SPOCK3: variants seen among roughly 807,000 people sequenced by gnomAD.
The protein encoded by SPOCK3 is SPARC (osteonectin), cwcv and kazal like domains proteoglycan 3.
In SPOCK3, 30 loss-of-function variants were observed where a neutral mutation model predicts 56.6. That is an observed-to-expected ratio of 0.53 (90% CI 0.40 to 0.72). The LOEUF is 0.72. SPOCK3 is among the 30% of genes least tolerant of loss of function. SPOCK3 has a pLI of 0.00. For synonymous variants in SPOCK3, 196 were observed against 183.3 expected, an observed-to-expected ratio of 1.07 and a Z score of -0.56; for missense variants, 527 against 530.0, an observed-to-expected ratio of 0.99 and a Z score of 0.06.
chr4:166,808,597 A>C (rs111915859), intron 6 of SPOCK3, among the ~76,000 whole-genome samples: 14 of 152,098 alleles, frequency 9.2e-5, no homozygotes, highest in African/African-American at 3.1e-4. Flanking sequence ...GAGAAAAGAC[A>C]CTTCTGTTGT....
At chr4:167,032,572 T>C (rs962934834) in intron 3 of SPOCK3, among the ~76,000 whole-genome samples, 3 of 152,034 alleles carry the variant, frequency 2.0e-5, no homozygotes, top group South Asian at 2.1e-4. Flanking sequence ...CAGCAGGTAC[T>C]GTATGCTCAG....
intron 3 of SPOCK3, 35 bp from the exon 4 acceptor site, chr4:167,000,498 T>C (rs1194538948): frequency 2.9e-6 from 3 of 1,047,416 alleles, no homozygotes; most frequent in Non-Finnish European, 2.9e-6. Context: ...TAAAATAAGC[T>C]TCTGTAAAAT....
At chr4:167,159,478 C>A (rs2150435534) in intron 2 of SPOCK3, among the ~76,000 whole-genome samples, 1 of 152,218 alleles carries the variant, frequency 6.6e-6, no homozygotes, top group East Asian at 1.9e-4. Context: ...GGACCTGGTA[C>A]CATTCCTTCT....
chr4:166,782,177 T>C (rs1740250477), intron 7 of SPOCK3, among the ~76,000 whole-genome samples: 1 of 152,148 alleles, frequency 6.6e-6, no homozygotes, highest in Non-Finnish European at 1.5e-5. Flanking sequence ...CTATAGTTCC[T>C]CCACTGTACT....
chr4:167,092,907 CAAAT>C lies in SPOCK3; in HGVS notation c.190-30374_190-30371del, dbSNP rs962773480. ...TCACTTTTTATACTTCCTATAATGT[CAAAT>C]AAATAATAGCGAGTTTTTCATTTGT... On this transcript the variant is annotated intron_variant, in intron 2 of 10. Transcript: ENST00000357545. 1.2e-4 allele frequency among the ~76,000 whole-genome samples: 19 copies of C among 152,232 alleles called. 1 individual carries two copies. The Middle Eastern group carries it at 0.014, about 109-fold the overall frequency.
chr4:166,754,265 C>G, intron 8 of SPOCK3: 1 of 1,206,388 alleles, frequency 8.3e-7, no homozygotes. Context: ...ATAATGGAAA[C>G]TATAATGTAG....
chr4:166,959,898 A>T (rs576219240), intron 4 of SPOCK3, among the ~76,000 whole-genome samples: 4 of 152,184 alleles, frequency 2.6e-5, no homozygotes, highest in South Asian at 4.2e-4. Flanking sequence ...AAAAATTAAA[A>T]TTTTTCCATT....
intron 2 of SPOCK3, among the ~76,000 whole-genome samples, chr4:167,150,541 G>A (rs1329239525): frequency 6.6e-6 from 1 of 152,012 alleles, no homozygotes; most frequent in Admixed American, 6.6e-5. Context: ...AAACTGTCTG[G>A]GGAGTGCAAA....
chr4:167,072,813 T>A (rs1476613440), intron 2 of SPOCK3, among the ~76,000 whole-genome samples: 2 of 151,880 alleles, frequency 1.3e-5, no homozygotes, highest in Non-Finnish European at 2.9e-5. Context: ...AGCTTTATGA[T>A]GTACTATATA....
chr4:167,009,302 A>G (rs1376305714), intron 3 of SPOCK3, among the ~76,000 whole-genome samples: 1 of 152,128 alleles, frequency 6.6e-6, no homozygotes, highest in Non-Finnish European at 1.5e-5. Context: ...GGAACTCTTT[A>G]AAGCTTGGAT....
At chr4:167,230,560 G>A (rs890150548) in intron 2 of SPOCK3, among the ~76,000 whole-genome samples, 2 of 147,314 alleles carry the variant, frequency 1.4e-5, no homozygotes, top group Admixed American at 6.8e-5. Context: ...ATATACCACT[G>A]TTGAGGGAGT....
intron 4 of SPOCK3, among the ~76,000 whole-genome samples, chr4:166,990,801 G>A (rs1747701906): frequency 6.6e-6 from 1 of 151,630 alleles, no homozygotes. Flanking sequence ...ATTGATCACT[G>A]GAAATCACAT....
intron 7 of SPOCK3, among the ~76,000 whole-genome samples, chr4:166,772,640 C>A (rs1429430301): frequency 6.6e-6 from 1 of 152,100 alleles, no homozygotes; most frequent in Non-Finnish European, 1.5e-5. Flanking sequence ...AGAATATTCA[C>A]AAGCAGTTTT....
At chr4:166,900,656 G>C (rs933727936) in intron 5 of SPOCK3, among the ~76,000 whole-genome samples, 1 of 152,150 alleles carries the variant, frequency 6.6e-6, no homozygotes, top group Non-Finnish European at 1.5e-5. Flanking sequence ...GGATCACGCT[G>C]CTCTTTGAAT....
At chr4:167,045,673 T>C (rs1446522630) in intron 3 of SPOCK3, among the ~76,000 whole-genome samples, 2 of 152,148 alleles carry the variant, frequency 1.3e-5, no homozygotes, top group Non-Finnish European at 2.9e-5. Context: ...TACCACTTTA[T>C]GGGTAGTGCA....
At chr4:166,820,221 A>AAC (rs2126757904) in intron 6 of SPOCK3, among the ~76,000 whole-genome samples, 1 of 152,216 alleles carries the variant, frequency 6.6e-6, no homozygotes, top group Non-Finnish European at 1.5e-5. Context: ...TGTTCTCATC[A>AAC]CAAAAAAGTG....
intron 4 of SPOCK3, among the ~76,000 whole-genome samples, chr4:166,930,008 G>T (rs552654886): frequency 9.9e-5 from 15 of 152,210 alleles, no homozygotes; most frequent in African/African-American, 3.6e-4. Context: ...AGTTTCAAAT[G>T]AGGAAAATGA....
Position 167,124,370 on chromosome 4 carries a change from C to A in SPOCK3, c.190-61833G>T, listed in dbSNP as rs568779017. On this transcript the variant is annotated intron_variant, in intron 2 of 10. Coordinates refer to ENST00000357545, the MANE Select transcript of SPOCK3 (RefSeq NM_001040159.2). ...TCTCCACTCAGATATCTAATAGGAA[C>A]CTCACATTCAGAATGTCTAAAACCC... Among the ~76,000 whole-genome samples the A allele has an allele frequency of 7.2e-5, 11 of 152,292 alleles. No individual in the cohort carries two copies. The East Asian group carries it at 1.7e-3, about 24-fold the overall frequency.
intron 6 of SPOCK3, among the ~76,000 whole-genome samples, chr4:166,809,487 A>C (rs1404130721): frequency 6.6e-6 from 1 of 152,064 alleles, no homozygotes; most frequent in Non-Finnish European, 1.5e-5. Flanking sequence ...TTAAGTATTA[A>C]CAAACAATTC....
Sources: allele counts gnomAD v4.1 joint callset (sites outside exome capture counted in the v4.1 genomes callset), GRCh38; gene constraint gnomAD v4.1.1; transcripts MANE v1.5; gene names NCBI Gene and HGNC (gene_info 2026-07-23, HGNC 2026-07-21).